Variants in COL5A1 observed in about 807,000 individuals in gnomAD.
COL5A1 encodes the protein collagen type V alpha 1 chain, also known as collagen alpha-1(V) chain.
Under a neutral mutation model 263.7 loss-of-function variants are expected in COL5A1, and 16 were observed. The observed-to-expected ratio is 0.06, with a 90% CI of 0.04 to 0.09. COL5A1 has a LOEUF of 0.09. Ranked by LOEUF, COL5A1 falls within the 10% of genes least tolerant of loss-of-function variation. The pLI is 1.00. For missense variants in COL5A1, 2,036 were observed against 2,540.5 expected, an observed-to-expected ratio of 0.80 and a Z score of 4.27; for synonymous variants, 1,012 against 1,004.5, an observed-to-expected ratio of 1.01 and a Z score of -0.14.
chr9:134,770,097 G>A (rs1383211719), intron 25 of COL5A1, among the ~76,000 whole-genome samples: 4 of 152,206 alleles, frequency 2.6e-5, no homozygotes, highest in Admixed American at 2.6e-4. Flanking sequence ...AAGGTGCTTC[G>A]AGCAAAAGGA....
chr9:134,710,270 G>T (rs1050437668), intron 4 of COL5A1, among the ~76,000 whole-genome samples: 4 of 152,244 alleles, frequency 2.6e-5, no homozygotes, highest in African/African-American at 9.6e-5. Context: ...GCCCGCGCGA[G>T]ACGGTGGCTG....
At position 134,757,988 on chromosome 9, in the gene COL5A1, G is replaced by A. The variant is rs977968568; in HGVS notation, c.1882-255G>A. 2.0e-5 allele frequency among the ~76,000 whole-genome samples: 3 copies of A among 152,206 alleles called. No homozygotes were observed. Among genetic ancestry groups the A allele is most frequent in the South Asian group, 2.1e-4 (1 of 4,824 alleles). ...TGAAATACCGCATGACTAAGGACCC[G>A]TCGGGGCCTGGGACTTGGGGATGAA... On this transcript the variant is annotated intron_variant, in intron 17 of 65. Transcript: ENST00000371817. This position sits in a 1 kb window ranked among gnomAD's most constrained non-coding sequence, Gnocchi z 6.2.
intron 25 of COL5A1, among the ~76,000 whole-genome samples, chr9:134,771,746 A>G (rs945002099): frequency 2.0e-5 from 3 of 152,162 alleles, no homozygotes; most frequent in African/African-American, 7.2e-5. Context: ...AGGCCCAGAG[A>G]GGGCAAGTGA....
At chr9:134,767,457 A>G (rs1316475554) in intron 24 of COL5A1, 103 bp downstream of exon 24, 9 of 1,090,216 alleles carry the variant, frequency 8.3e-6, no homozygotes, top group East Asian at 7.4e-5. Context: ...CTCAATGTAT[A>G]TCTTGGTGCT....
At chr9:134,663,024 G>A (rs1322282440) in intron 1 of COL5A1, among the ~76,000 whole-genome samples, 2 of 152,248 alleles carry the variant, frequency 1.3e-5, no homozygotes, top group Non-Finnish European at 2.9e-5. Flanking sequence ...ACATTTCTGT[G>A]AGCATGTACG....
chr9:134,759,789 GCA>G (rs1189212460), intron 18 of COL5A1, among the ~76,000 whole-genome samples: 8 of 63,464 alleles, frequency 1.3e-4, no homozygotes, highest in South Asian at 6.3e-4. Flanking sequence ...ATACACACAT[GCA>G]CACACACCAC....
intron 4 of COL5A1, chr9:134,709,067 C>A: frequency 2.5e-6 from 1 of 404,258 alleles, no homozygotes; most frequent in Non-Finnish European, 5.0e-6. Context: ...TCCTTCATTC[C>A]ATCTGCAGTG....
intron 44 of COL5A1, among the ~76,000 whole-genome samples, chr9:134,810,978 C>T (rs893435345): frequency 6.6e-5 from 10 of 152,162 alleles, no homozygotes; most frequent in Non-Finnish European, 1.3e-4. Flanking sequence ...CAGCAGGGGA[C>T]ATGGTGCTGG....
chr9:134,747,246 G>T (rs117927978), intron 11 of COL5A1, among the ~76,000 whole-genome samples: 3 of 152,160 alleles, frequency 2.0e-5, no homozygotes, highest in African/African-American at 7.2e-5. Context: ...GGTGAGAAGC[G>T]GCATCAGAGG....
chr9:134,805,826 G>A (rs1250768112), intron 41 of COL5A1, among the ~76,000 whole-genome samples: 1 of 150,488 alleles, frequency 6.6e-6, no homozygotes, highest in Non-Finnish European at 1.5e-5. Flanking sequence ...GTGCCCCGTG[G>A]GCTCTAGAGG....
At chr9:134,779,680 A>G (rs1008906736) in intron 27 of COL5A1, among the ~76,000 whole-genome samples, 1 of 152,190 alleles carries the variant, frequency 6.6e-6, no homozygotes, top group Non-Finnish European at 1.5e-5. Flanking sequence ...GTCAGAGGCC[A>G]TGGAGGGGGA....
intron 1 of COL5A1, among the ~76,000 whole-genome samples, chr9:134,685,086 ACCAT>A (rs1186180827): frequency 1.4e-3 from 59 of 41,344 alleles, no homozygotes; most frequent in African/African-American, 4.6e-3. Context: ...CCATCCACCC[ACCAT>A]CCATCCATCC....
chr9:134,648,306 T>TATA (rs1831545527), intron 1 of COL5A1, among the ~76,000 whole-genome samples: 1 of 97,006 alleles, frequency 1.0e-5, no homozygotes, highest in African/African-American at 5.3e-5. Flanking sequence ...ATATATATAA[T>TATA]ATATATATAT....
At chr9:134,653,556 G>A (rs1831769540) in intron 1 of COL5A1, 1 of 152,578 alleles carries the variant, frequency 6.6e-6, no homozygotes, top group Admixed American at 6.5e-5. Context: ...TGCCGTCTGT[G>A]CGTCTCCCAA....
intron 65 of COL5A1, among the ~76,000 whole-genome samples, chr9:134,835,415 G>A (rs1234935236): frequency 6.6e-6 from 1 of 152,250 alleles, no homozygotes; most frequent in Non-Finnish European, 1.5e-5. Context: ...GGAGAGTTCT[G>A]TGGGTTAGGA....
chr9:134,814,121 C>A, intron 49 of COL5A1, 85 bp downstream of exon 49: 1 of 1,373,082 alleles, frequency 7.3e-7, no homozygotes, highest in Non-Finnish European at 1.0e-6. Context: ...TCTGGCTCTG[C>A]CTTAGCTTTT....
intron 31 of COL5A1, among the ~76,000 whole-genome samples, chr9:134,787,259 T>C (rs1837493787): frequency 6.6e-6 from 1 of 152,260 alleles, no homozygotes; most frequent in Non-Finnish European, 1.5e-5. Flanking sequence ...ACATGTGTCC[T>C]GGGCAGAGAC....
intron 42 of COL5A1, chr9:134,808,833 G>A (rs538926011): frequency 1.7e-5 from 6 of 348,542 alleles, no homozygotes; most frequent in East Asian, 6.8e-5. Flanking sequence ...CTTGGCTCCC[G>A]GTCACTAGCT....
intron 1 of COL5A1, among the ~76,000 whole-genome samples, chr9:134,685,109 T>C (rs1832981000): frequency 7.6e-6 from 1 of 130,830 alleles, no homozygotes; most frequent in Non-Finnish European, 1.6e-5. Context: ...CCACCATCCA[T>C]CCATTCATCC....
Sources: allele counts gnomAD v4.1 joint callset (sites outside exome capture counted in the v4.1 genomes callset), GRCh38; gene constraint gnomAD v4.1.1; non-coding constraint Gnocchi (gnomAD v3.1); transcripts MANE v1.5; gene names NCBI Gene and HGNC (gene_info 2026-07-23, HGNC 2026-07-21).